ACSS3: variants seen among roughly 807,000 people sequenced by gnomAD.
ACSS3 encodes acyl-CoA synthetase short-chain family member 3, mitochondrial.
ACSS3 carries 64 observed loss-of-function variants against 84.2 expected under a neutral mutation model. That is an observed-to-expected ratio of 0.76 (90% CI 0.62 to 0.94). ACSS3 has a LOEUF of 0.94. Among genes scored for constraint, ACSS3 ranks in the 40% least tolerant of loss-of-function variants. The pLI is 0.00. For missense variants in ACSS3, 815 were observed against 867.6 expected, an observed-to-expected ratio of 0.94 and a Z score of 0.76; for synonymous variants, 317 against 310.1, an observed-to-expected ratio of 1.02 and a Z score of -0.23.
intron 7 of ACSS3, among the ~76,000 whole-genome samples, chr12:81,173,860 C>A (rs2030266523): frequency 6.6e-6 from 1 of 152,062 alleles, no homozygotes; most frequent in Non-Finnish European, 1.5e-5. Flanking sequence ...CATCTTAACC[C>A]TTTTAAGGTT....
At position 81,257,610 on chromosome 12, in the gene ACSS3, T is replaced by C. The variant is rs1225244126; in HGVS notation, c.*2688T>C. 6.6e-6 allele frequency: 1 copy of C among 152,120 alleles called. No individual in the cohort carries two copies. Among genetic ancestry groups the C allele is most frequent in the Non-Finnish European group, 1.5e-5 (1 of 68,016 alleles). The allele number at this position is 152,120 out of a possible 1,614,324, so 9.4% of individuals were successfully genotyped here. On this transcript the variant is annotated 3_prime_UTR_variant, in exon 16 of 16. Transcript: ENST00000548058. ...TATTTTCCAATTCATTGAATTACTTTGCTTGTGAAAATATATTAAACATAT... is the reference window on the plus strand; with the variant it reads ...TATTTTCCAATTCATTGAATTACTTCGCTTGTGAAAATATATTAAACATAT...
chr12:81,150,708 C>G (rs566077718), intron 5 of ACSS3, among the ~76,000 whole-genome samples: 1 of 152,260 alleles, frequency 6.6e-6, no homozygotes, highest in South Asian at 2.1e-4. Flanking sequence ...AGCATGATGC[C>G]TATGTTTTAT....
chr12:81,199,584 A>G, intron 9 of ACSS3, 140 bp downstream of exon 9: 1 of 1,478,676 alleles, frequency 6.8e-7, no homozygotes, highest in Non-Finnish European at 9.1e-7. Context: ...AGTAAAAATA[A>G]GCAATTTTTT....
intron 13 of ACSS3, among the ~76,000 whole-genome samples, chr12:81,241,322 A>C (rs1815519361): frequency 6.6e-6 from 1 of 152,140 alleles, no homozygotes; most frequent in Non-Finnish European, 1.5e-5. Context: ...TTATAGCAGC[A>C]TGATTTATAG....
intron 1 of ACSS3, among the ~76,000 whole-genome samples, chr12:81,101,299 T>G (rs2121422817): frequency 6.6e-6 from 1 of 152,258 alleles, no homozygotes; most frequent in Admixed American, 6.5e-5. Flanking sequence ...GCTAGACCAT[T>G]AAAATTTATA....
At chr12:81,198,217 A>C (rs2031929239) in intron 8 of ACSS3, among the ~76,000 whole-genome samples, 1 of 152,126 alleles carries the variant, frequency 6.6e-6, no homozygotes, top group Non-Finnish European at 1.5e-5. Context: ...GAAATGTTTA[A>C]ATACCTAAAA....
In ACSS3 at chr12:81,256,318, CA is replaced by C. The variant is rs2034295593; in HGVS notation, c.*1400del. On this transcript the variant is annotated 3_prime_UTR_variant, in exon 16 of 16. Coordinates refer to ENST00000548058, the MANE Select transcript of ACSS3 (RefSeq NM_024560.4). The stretch of plus-strand genomic sequence containing the variant: ...AACTCATTAAAAATATTGTAATGTC[CA>C]AAAGTATCTTTCCATTTAACTTCTA... 6.6e-6 allele frequency: 1 copy of C among 151,998 alleles called. No individual in the cohort carries two copies. Among genetic ancestry groups the C allele is most frequent in the Non-Finnish European group, 1.5e-5 (1 of 67,984 alleles). 9.4% of individuals were successfully genotyped at this position (151,998 alleles called of 1,614,324 possible).
At chr12:81,180,432 AT>A (rs1448643749) in intron 8 of ACSS3, among the ~76,000 whole-genome samples, 6 of 152,204 alleles carry the variant, frequency 3.9e-5, no homozygotes, top group Admixed American at 6.5e-5. Flanking sequence ...TGTGCTTTGA[AT>A]AGTCTAGGTA....
chr12:81,231,250 G>A, intron 12 of ACSS3, 112 bp downstream of exon 12: 6 of 851,588 alleles, frequency 7.0e-6, no homozygotes, highest in Non-Finnish European at 1.1e-5. Flanking sequence ...ACTTTTAAAG[G>A]TTATCTGGAC....
At chr12:81,166,034 A>C (rs1023477062) in intron 7 of ACSS3, among the ~76,000 whole-genome samples, 1 of 152,212 alleles carries the variant, frequency 6.6e-6, no homozygotes, top group Admixed American at 6.5e-5. Context: ...GAGACAGCAA[A>C]TAAATTTGCC....
At chr12:81,236,916 A>G (rs2033647200) in intron 13 of ACSS3, among the ~76,000 whole-genome samples, 1 of 151,410 alleles carries the variant, frequency 6.6e-6, no homozygotes, top group Non-Finnish European at 1.5e-5. Context: ...TTATGACCCA[A>G]TGAAAGCTAA....
At chr12:81,122,671 T>G in intron 2 of ACSS3, among the ~76,000 whole-genome samples, 1 of 152,320 alleles carries the variant, frequency 6.6e-6, no homozygotes, top group Non-Finnish European at 1.5e-5. Context: ...CAAACACTCA[T>G]TTGGGAAAGT....
At position 81,152,079 on chromosome 12, in the gene ACSS3, A is replaced by T. The variant is rs757781488; in HGVS notation, c.1081A>T (p.Thr361Ser). Residue 361 changes from threonine to serine, a missense_variant, in exon 7 of 16, where the codon ACA (threonine) becomes TCA (serine). Physicochemically the swap from Thr to Ser is moderately conservative, Grantham distance 58. Coordinates refer to ENST00000548058, the MANE Select transcript of ACSS3 (RefSeq NM_024560.4). ...ICYGPLLHGN[T>S]TVLYEGKPVG... The stretch of plus-strand genomic sequence containing the variant: ...CTATGGACCTCTTCTTCATGGGAAC[A>T]CAACAGTTTTATATGAGGTAATAAA... 6.2e-7 allele frequency: 1 copy of T among 1,612,450 alleles called. No individual in the cohort carries two copies. Among genetic ancestry groups the T allele is most frequent in the Admixed American group, 1.7e-5 (1 of 59,952 alleles).
intron 9 of ACSS3, among the ~76,000 whole-genome samples, chr12:81,205,068 G>A (rs977340590): frequency 7.9e-5 from 12 of 152,050 alleles, no homozygotes; most frequent in Admixed American, 7.9e-4. Context: ...TGATTGAACT[G>A]CTTCGGTTTT....
At chr12:81,183,923 A>G (rs2031095094) in intron 8 of ACSS3, among the ~76,000 whole-genome samples, 1 of 151,998 alleles carries the variant, frequency 6.6e-6, no homozygotes, top group Non-Finnish European at 1.5e-5. Flanking sequence ...ACATAAATTG[A>G]ACTTTTGACA....
intron 15 of ACSS3, among the ~76,000 whole-genome samples, chr12:81,254,647 T>C (rs2034251238): frequency 6.6e-6 from 1 of 152,178 alleles, no homozygotes; most frequent in African/African-American, 2.4e-5. Context: ...CTAGGTCCAA[T>C]AGTTTTGCTA....
At chr12:81,168,121 A>T (rs751943997) in intron 7 of ACSS3, among the ~76,000 whole-genome samples, 1 of 152,154 alleles carries the variant, frequency 6.6e-6, no homozygotes, top group Non-Finnish European at 1.5e-5. Flanking sequence ...TTGACCAATA[A>T]ATTGTTGGTT....
At chr12:81,254,733 T>C (rs1565747444) in intron 15 of ACSS3, 124 bp from the exon 16 acceptor site, 2 of 711,434 alleles carry the variant, frequency 2.8e-6, no homozygotes, top group Non-Finnish European at 4.4e-6. Flanking sequence ...TCCCTATTTT[T>C]AAACTTTCCA....
chr12:81,220,201 A>T, intron 11 of ACSS3, 125 bp downstream of exon 11: 1 of 467,052 alleles, frequency 2.1e-6, no homozygotes, highest in Non-Finnish European at 3.8e-6. Context: ...TGTGTTGCTT[A>T]AGAACTGTGT....
Sources: gnomAD v4.1 joint callset for allele counts (sites outside exome capture counted in the v4.1 genomes callset) on GRCh38, gnomAD v4.1.1 for gene constraint, MANE v1.5 for transcripts, NCBI Gene and HGNC (gene_info 2026-07-23, HGNC 2026-07-21) for gene names.